Variants in ZFAT observed in about 807,000 individuals in gnomAD.
ZFAT encodes zinc finger and AT-hook domain containing, also known as zinc finger protein ZFAT.
A neutral mutation model predicts 117.7 loss-of-function variants in ZFAT; 64 were observed. The observed-to-expected ratio is 0.54, with a 90% CI of 0.44 to 0.67. The LOEUF is 0.67. Among genes scored for constraint, ZFAT ranks in the 30% least tolerant of loss-of-function variants. The probability of loss-of-function intolerance (pLI) is 0.00; values close to 1 mark genes in which losing one functional copy is unlikely to be tolerated. For missense variants in ZFAT, 1,433 were observed against 1,584.5 expected (o/e 0.90, Z 1.62); for synonymous variants, 679 against 615.0 (o/e 1.10, Z -1.54).
chr8:134,623,589 C>CTTGGT (rs1358631267), intron 3 of ZFAT, among the ~76,000 whole-genome samples: 1 of 152,232 alleles, frequency 6.6e-6, no homozygotes, highest in Non-Finnish European at 1.5e-5. Context: ...CCTCTGCGAA[C>CTTGGT]TCTGCCAGGT....
At chr8:134,768,295 G>A in the ZFAT span, among the ~76,000 whole-genome samples, 1 of 152,132 alleles carries the variant, frequency 6.6e-6, no homozygotes, top group Admixed American at 6.5e-5. Context: ...TACTACAGTT[G>A]TTTTGAGGCA....
chr8:134,594,967 A>G (rs1826814080), intron 7 of ZFAT: 1 of 152,258 alleles, frequency 6.6e-6, no homozygotes, highest in Non-Finnish European at 1.5e-5. Context: ...CTTTTGTGTC[A>G]GAAGGAACTT....
intron 15 of ZFAT, among the ~76,000 whole-genome samples, chr8:134,504,851 C>T (rs1335198212): frequency 6.6e-6 from 1 of 152,168 alleles, no homozygotes; most frequent in Non-Finnish European, 1.5e-5. Flanking sequence ...ACCTCTGCCT[C>T]CAGTCACCCA....
chr8:134,622,594 T>C (rs1331861503), intron 3 of ZFAT, among the ~76,000 whole-genome samples: 2 of 152,050 alleles, frequency 1.3e-5, no homozygotes, highest in African/African-American at 2.4e-5. Flanking sequence ...CAGAGTCCCC[T>C]GAAGTTCTGG....
chr8:134,478,937 C>T lies in ZFAT; in HGVS notation c.3493-216G>A, dbSNP rs1817093831. The stretch of plus-strand genomic sequence containing the variant: ...TGTAGGGCAACGTGGTCAGGGTCCC[C>T]AGCCGTGGCAAATGGTGGAACCTAA... On this transcript the variant is annotated intron_variant, in intron 15 of 15. Coordinates refer to ENST00000377838, the MANE Select transcript of ZFAT (RefSeq NM_020863.4). This position sits in a 1 kb window ranked among gnomAD's most constrained non-coding sequence, Gnocchi z 5.2. Among the ~76,000 whole-genome samples the T allele has an allele frequency of 6.6e-6, 1 of 152,182 alleles. No individual in the cohort carries two copies. The highest frequency in any genetic ancestry group is 6.5e-5 in the Admixed American group (1 of 15,284).
chr8:134,541,156 C>A (rs1324028968), intron 11 of ZFAT, among the ~76,000 whole-genome samples: 1 of 152,140 alleles, frequency 6.6e-6, no homozygotes, highest in Non-Finnish European at 1.5e-5. Context: ...ATTTTTCCCT[C>A]CAGAACTCAT....
intron 10 of ZFAT, among the ~76,000 whole-genome samples, chr8:134,570,368 T>A (rs371254130): frequency 2.3e-4 from 35 of 152,250 alleles, no homozygotes; most frequent in East Asian, 1.5e-3. Flanking sequence ...ATTTTCTTAA[T>A]ATTTTAGATG....
chr8:134,715,515 G>A (rs1563783657), upstream of ZFAT, among the ~76,000 whole-genome samples: 1 of 152,154 alleles, frequency 6.6e-6, no homozygotes, highest in African/African-American at 2.4e-5. Context: ...GCTCTTCCAC[G>A]GCCTTACTAT....
chr8:134,624,165 G>A (rs1829323317), intron 3 of ZFAT, among the ~76,000 whole-genome samples: 1 of 141,950 alleles, frequency 7.0e-6, no homozygotes, highest in Non-Finnish European at 1.5e-5. Flanking sequence ...CTAACGTGCA[G>A]GCACATGTGC....
intron 9 of ZFAT, among the ~76,000 whole-genome samples, chr8:134,584,960 T>C (rs984920042): frequency 6.6e-6 from 1 of 152,176 alleles, no homozygotes; most frequent in Middle Eastern, 3.2e-3. Context: ...CAGAGCTGAG[T>C]TGCACATTGG....
chr8:134,531,408 G>A (rs530552266), intron 12 of ZFAT, among the ~76,000 whole-genome samples: 26 of 152,306 alleles, frequency 1.7e-4, no homozygotes, highest in South Asian at 1.0e-3. Flanking sequence ...GGGCATTGGC[G>A]TGGGTCATAA....
At chr8:134,733,636 C>T in the ZFAT span, among the ~76,000 whole-genome samples, 17 of 152,236 alleles carry the variant, frequency 1.1e-4, no homozygotes, top group African/African-American at 2.9e-4. Context: ...CTGAGAAGGA[C>T]GATGACTAGC....
chr8:134,791,362 A>G, the ZFAT span, among the ~76,000 whole-genome samples: 2 of 146,606 alleles, frequency 1.4e-5, no homozygotes, highest in African/African-American at 5.1e-5. Flanking sequence ...GCTTCCCTGT[A>G]TAGTCAGGCC....
At chr8:134,581,773 G>T (rs375428621) in intron 10 of ZFAT, among the ~76,000 whole-genome samples, 6 of 152,032 alleles carry the variant, frequency 3.9e-5, no homozygotes, top group African/African-American at 1.4e-4. Context: ...TTTGGTAGAG[G>T]CAGGGTTTCA....
intron 15 of ZFAT, among the ~76,000 whole-genome samples, chr8:134,505,670 G>A (rs1372195871): frequency 6.6e-6 from 1 of 152,120 alleles, no homozygotes; most frequent in Admixed American, 6.5e-5. Context: ...CTGGCTCTGG[G>A]GATGGAGGAA....
the ZFAT span, among the ~76,000 whole-genome samples, chr8:134,812,952 TTGGTAGAC>T: frequency 6.6e-6 from 1 of 152,200 alleles, no homozygotes; most frequent in Admixed American, 6.5e-5. Context: ...CACAAGAGCA[TTGGTAGAC>T]TGGCTTCAGA....
the ZFAT span, among the ~76,000 whole-genome samples, chr8:134,762,871 C>A: frequency 2.0e-5 from 3 of 152,208 alleles, no homozygotes; most frequent in Non-Finnish European, 4.4e-5. Flanking sequence ...TAAATGGCAG[C>A]ATCATTTAGC....
chr8:134,691,423 T>C (rs545841937), intron 1 of ZFAT, among the ~76,000 whole-genome samples: 34 of 152,356 alleles, frequency 2.2e-4, no homozygotes, highest in Non-Finnish European at 4.4e-4. Context: ...CCAAGCCACC[T>C]GTAGCAGGTC....
chr8:134,535,375 C>A (rs539003265), intron 11 of ZFAT, among the ~76,000 whole-genome samples: 1 of 152,276 alleles, frequency 6.6e-6, no homozygotes, highest in African/African-American at 2.4e-5. Context: ...TCATCAAAGA[C>A]AGAAACCCAC....
Sources: gnomAD v4.1 joint callset for allele counts (sites outside exome capture counted in the v4.1 genomes callset) on GRCh38, gnomAD v4.1.1 for gene constraint, Gnocchi (gnomAD v3.1) non-coding constraint, MANE v1.5 for transcripts, NCBI Gene and HGNC (gene_info 2026-07-23, HGNC 2026-07-21) for gene names.